The following PTPRD variants were observed in gnomAD, a reference collection of about 807,000 sequenced individuals.
The protein encoded by PTPRD is receptor-type tyrosine-protein phosphatase delta.
A neutral mutation model predicts 214.5 loss-of-function variants in PTPRD; 34 were observed. The ratio of observed to expected loss-of-function variants is 0.16; its 90% confidence interval spans 0.12 to 0.21. PTPRD has a LOEUF of 0.21. PTPRD is among the 10% of genes least tolerant of loss of function. The pLI, the probability that PTPRD is intolerant of heterozygous loss-of-function variation, is 1.00. For missense variants in PTPRD, 2,545 were observed against 2,398.7 expected (o/e 1.06, Z -1.27); for synonymous variants, 1,128 against 845.7 (o/e 1.33, Z -5.79).
intron 9 of PTPRD, among the ~76,000 whole-genome samples, chr9:9,207,650 A>G (rs536016208): frequency 5.9e-5 from 9 of 152,336 alleles, no homozygotes; most frequent in African/African-American, 1.9e-4. Context: ...ATTTGGCAAC[A>G]TCTAGCCAAA....
chr9:9,641,335 G>A (rs1170641374), intron 7 of PTPRD, among the ~76,000 whole-genome samples: 1 of 152,192 alleles, frequency 6.6e-6, no homozygotes, highest in Non-Finnish European at 1.5e-5. Flanking sequence ...TTGTCTAAGT[G>A]ACAGGATAGG....
chr9:8,956,285 A>T (rs898648836), intron 11 of PTPRD, among the ~76,000 whole-genome samples: 2 of 151,938 alleles, frequency 1.3e-5, no homozygotes, highest in African/African-American at 4.8e-5. Flanking sequence ...ATCCATATAA[A>T]GCACAAAGTG....
intron 2 of PTPRD, among the ~76,000 whole-genome samples, chr9:10,416,437 A>G (rs566937834): frequency 4.1e-4 from 62 of 152,042 alleles, no homozygotes; most frequent in African/African-American, 1.4e-3. Context: ...GATGAGTGGT[A>G]TAAAGAAGAA....
chr9:9,334,505 A>C (rs2043638562), intron 9 of PTPRD, among the ~76,000 whole-genome samples: 1 of 152,022 alleles, frequency 6.6e-6, no homozygotes, highest in East Asian at 1.9e-4. Context: ...TGACAGAATA[A>C]AATATTTGAT....
chr9:8,996,712 C>G (rs984087136), intron 11 of PTPRD, among the ~76,000 whole-genome samples: 9 of 152,038 alleles, frequency 5.9e-5, no homozygotes, highest in East Asian at 3.9e-4. Context: ...CAAGCTCCTT[C>G]AAGCCTCTTT....
intron 10 of PTPRD, among the ~76,000 whole-genome samples, chr9:9,170,745 T>C (rs557238767): frequency 6.6e-6 from 1 of 152,360 alleles, no homozygotes; most frequent in South Asian, 2.1e-4. Context: ...ATGTGCTTAT[T>C]GATCCATCCA....
chr9:9,554,490 T>TG (rs1302366255), intron 8 of PTPRD, among the ~76,000 whole-genome samples: 1 of 150,750 alleles, frequency 6.6e-6, no homozygotes, highest in Non-Finnish European at 1.5e-5. Context: ...TTCGGGGGAG[T>TG]GGGGGTCCAT....
chr9:9,123,569 A>G (rs1258907064), intron 10 of PTPRD, among the ~76,000 whole-genome samples: 1 of 152,160 alleles, frequency 6.6e-6, no homozygotes, highest in Non-Finnish European at 1.5e-5. Flanking sequence ...TGGCATCAAG[A>G]AAGCCACATG....
intron 2 of PTPRD, among the ~76,000 whole-genome samples, chr9:10,448,043 A>G (rs1316911166): frequency 6.6e-6 from 1 of 152,012 alleles, no homozygotes; most frequent in Non-Finnish European, 1.5e-5. Flanking sequence ...AAGTGCATGT[A>G]TAAGTATCTC....
chr9:8,612,420 T>G (rs1289890684), intron 14 of PTPRD, among the ~76,000 whole-genome samples: 1 of 152,158 alleles, frequency 6.6e-6, no homozygotes, highest in Non-Finnish European at 1.5e-5. Flanking sequence ...GTACCTGAAT[T>G]AAGTGGAGGT....
chr9:9,613,523 T>A (rs1418374269), intron 7 of PTPRD, among the ~76,000 whole-genome samples: 1 of 152,154 alleles, frequency 6.6e-6, no homozygotes, highest in Admixed American at 6.5e-5. Flanking sequence ...ATCTCCCAAA[T>A]TCTCCCTTCT....
chr9:8,973,526 A>AT (rs1358539029), intron 11 of PTPRD, among the ~76,000 whole-genome samples: 1 of 152,064 alleles, frequency 6.6e-6, no homozygotes, highest in Non-Finnish European at 1.5e-5. Context: ...CAATGAACAT[A>AT]TGAGTGCATG....
chr9:9,682,484 T>G (rs750799523), intron 7 of PTPRD, among the ~76,000 whole-genome samples: 5 of 151,772 alleles, frequency 3.3e-5, no homozygotes, highest in Non-Finnish European at 7.4e-5. Flanking sequence ...GTTGTTGCCA[T>G]TGTTTTATTT....
intron 3 of PTPRD, among the ~76,000 whole-genome samples, chr9:10,106,284 G>A (rs1042210642): frequency 6.6e-6 from 1 of 151,808 alleles, no homozygotes; most frequent in African/African-American, 2.4e-5. Flanking sequence ...TGATGTCAAA[G>A]ATAATCCACA....
intron 9 of PTPRD, among the ~76,000 whole-genome samples, chr9:9,229,462 T>A (rs74981244): frequency 6.6e-6 from 1 of 152,066 alleles, no homozygotes; most frequent in Non-Finnish European, 1.5e-5. Context: ...TAATCCTTCA[T>A]TGCGCCCTTA....
chr9:8,913,654 A>C (rs2098763931), intron 11 of PTPRD, among the ~76,000 whole-genome samples: 1 of 152,196 alleles, frequency 6.6e-6, no homozygotes, highest in South Asian at 2.1e-4. Flanking sequence ...CTTCTTATTA[A>C]GGCAAACTTT....
intron 12 of PTPRD, among the ~76,000 whole-genome samples, chr9:8,671,392 T>C (rs558191000): frequency 1.5e-4 from 23 of 152,078 alleles, no homozygotes; most frequent in Non-Finnish European, 3.4e-4. Flanking sequence ...TGGTAGGAAA[T>C]ATGTATCATG....
At chr9:8,482,836 T>A (rs72694711) in intron 30 of PTPRD, among the ~76,000 whole-genome samples, 2,770 of 152,302 alleles carry the variant, frequency 0.018, 66 homozygotes, top group African/African-American at 0.056. Flanking sequence ...GCCTATGCAC[T>A]TACCACTCCC....
At chr9:8,792,511 A>C (rs1175613096) in intron 11 of PTPRD, among the ~76,000 whole-genome samples, 1 of 152,160 alleles carries the variant, frequency 6.6e-6, no homozygotes, top group Non-Finnish European at 1.5e-5. Flanking sequence ...TGAGGAAGAC[A>C]ATGAGGAAAT....
Sources: gnomAD v4.1 joint callset for allele counts (sites outside exome capture counted in the v4.1 genomes callset) on GRCh38, gnomAD v4.1.1 for gene constraint, MANE v1.5 for transcripts, NCBI Gene and HGNC (gene_info 2026-07-23, HGNC 2026-07-21) for gene names.